The following ZNF462 variants were observed in gnomAD, a reference collection of about 807,000 sequenced individuals.
The protein encoded by ZNF462 is zinc finger protein 462.
A neutral mutation model predicts 201.9 loss-of-function variants in ZNF462; 10 were observed. The ratio of observed to expected loss-of-function variants is 0.05; its 90% CI spans 0.03 to 0.08. The LOEUF (loss-of-function observed/expected upper bound fraction) is 0.08, where lower values mean the gene tolerates loss of function less well. ZNF462 is among the 10% of genes least tolerant of loss of function. The pLI, the probability that ZNF462 is intolerant of heterozygous loss-of-function variation, is 1.00. For missense variants in ZNF462, 2,523 were observed against 3,168.3 expected, an observed-to-expected ratio of 0.80 and a Z score of 4.89; for synonymous variants, 1,227 against 1,193.3, an observed-to-expected ratio of 1.03 and a Z score of -0.58.
At position 106,974,353 on chromosome 9, in the gene ZNF462, G is replaced by C. The variant is rs1826837218; in HGVS notation, c.6832+80G>C. On this transcript the variant is annotated intron_variant, in intron 9 of 12. Coordinates refer to ENST00000277225, the MANE Select transcript of ZNF462 (RefSeq NM_021224.6). The surrounding 1 kb of genome is among the most constrained non-coding windows in gnomAD (Gnocchi z 4.0). ...GGCCTTCTAGGGATGCTCTCTCAGA[G>C]TGGCAGTAGCACCTGTGCCTTGTTC... 6.3e-7 allele frequency: 1 copy of C among 1,595,904 alleles called. No individual in the cohort carries two copies. The highest frequency in any genetic ancestry group is 1.3e-5 in the African/African-American group (1 of 74,540).
Position 106,920,632 on chromosome 9 carries a change from T to C in ZNF462, c.-30-2722T>C, listed in dbSNP as rs1434269120. ...CTTCTTTTTCCAAATCAGTGACTCTTTTTCTGATCTCATAACCCTTTAATC... is the reference window on the plus strand; with the variant it reads ...CTTCTTTTTCCAAATCAGTGACTCTCTTTCTGATCTCATAACCCTTTAATC... On this transcript the variant is annotated intron_variant, in intron 1 of 12. Coordinates refer to ENST00000277225, the MANE Select transcript of ZNF462 (RefSeq NM_021224.6). This position sits in a 1 kb window ranked among gnomAD's most constrained non-coding sequence, Gnocchi z 4.3. Among the ~76,000 whole-genome samples, 4 of 152,192 alleles carry C rather than the reference T, an allele frequency of 2.6e-5. No individual in the cohort carries two copies. Among genetic ancestry groups the C allele is most frequent in the Non-Finnish European group, 5.9e-5 (4 of 68,032 alleles).
At chr9:106,882,867 G>A (rs1469599683) in intron 1 of ZNF462, among the ~76,000 whole-genome samples, 1 of 152,150 alleles carries the variant, frequency 6.6e-6, no homozygotes, top group East Asian at 1.9e-4. Flanking sequence ...TTGGTGGTAT[G>A]GAAGCCTCAA....
chr9:106,916,752 T>C (rs1277483559), intron 1 of ZNF462, among the ~76,000 whole-genome samples: 1 of 152,234 alleles, frequency 6.6e-6, no homozygotes, highest in Admixed American at 6.5e-5. Flanking sequence ...CATGATGAGC[T>C]GGAATCTCAT....
intron 1 of ZNF462, among the ~76,000 whole-genome samples, chr9:106,909,785 A>G (rs1053741395): frequency 1.3e-5 from 2 of 152,202 alleles, no homozygotes; most frequent in African/African-American, 4.8e-5. Context: ...ATAGGATTCA[A>G]TGTTTAGCCT....
At chr9:106,952,019 C>G (rs1363977442) in intron 7 of ZNF462, among the ~76,000 whole-genome samples, 7 of 152,082 alleles carry the variant, frequency 4.6e-5, no homozygotes, top group Non-Finnish European at 2.9e-5. Context: ...TCTTTTTGAA[C>G]CCACTTCTCC....
At position 106,974,058 on chromosome 9, in the gene ZNF462, C is replaced by T. The variant is rs959208185; in HGVS notation, c.6696-79C>T. 3.0e-5 allele frequency: 48 copies of T among 1,578,836 alleles called. No individual in the cohort carries two copies. Among genetic ancestry groups the T allele is most frequent in the South Asian group, 7.9e-5 (7 of 88,142 alleles). On this transcript the variant is annotated intron_variant, in intron 8 of 12. Transcript: ENST00000277225. This position sits in a 1 kb window ranked among gnomAD's most constrained non-coding sequence, Gnocchi z 4.0. The stretch of plus-strand genomic sequence containing the variant: ...GAGAGCCGCACTTGGACATATATAA[C>T]GGGTTTGCCAGCAGGAAATGTGAAA...
intron 1 of ZNF462, among the ~76,000 whole-genome samples, chr9:106,868,345 T>G (rs1827436854): frequency 6.6e-6 from 1 of 152,164 alleles, no homozygotes; most frequent in African/African-American, 2.4e-5. Flanking sequence ...TAAGCTCTTT[T>G]AATAGCACAA....
intron 1 of ZNF462, among the ~76,000 whole-genome samples, chr9:106,914,607 A>C (rs2131338988): frequency 6.6e-6 from 1 of 152,292 alleles, no homozygotes; most frequent in Middle Eastern, 3.4e-3. Context: ...TCCTTCATTC[A>C]GCGTATATTT....
intron 6 of ZNF462, among the ~76,000 whole-genome samples, chr9:106,936,240 T>C (rs1221951344): frequency 6.6e-6 from 1 of 152,244 alleles, no homozygotes; most frequent in Non-Finnish European, 1.5e-5. Flanking sequence ...TGTTGACGTC[T>C]GATGTGTCAT....
chr9:107,012,112 T>C lies in ZNF462; in HGVS notation c.*1082T>C, dbSNP rs1490274168. 3 of 116,192 alleles carry C rather than the reference T, an allele frequency of 2.6e-5. No individual in the cohort carries two copies. The highest frequency in any genetic ancestry group is 1.1e-4 in the African/African-American group (3 of 27,580). The allele number at this position is 116,192 out of a possible 1,614,324, so 7.2% of individuals were successfully genotyped here. A position where few individuals can be genotyped will look rare whatever the true frequency, so the allele number is the denominator to read the frequency against. On this transcript the variant is annotated 3_prime_UTR_variant, in exon 13 of 13. Coordinates refer to ENST00000277225, the MANE Select transcript of ZNF462 (RefSeq NM_021224.6). ...AACAAAGAAGTTAACTTTCTTTTTT[T>C]TTTTTTTTTTTTTTTTTAATTTAAC...
In ZNF462 at chr9:106,972,380, G is replaced by C. The variant is rs747277195; in HGVS notation, c.6695+108G>C. The C allele has an allele frequency of 2.1e-6, 3 of 1,461,450 alleles. No homozygotes were observed. Among genetic ancestry groups the C allele is most frequent in the Non-Finnish European group, 2.8e-6 (3 of 1,089,050 alleles). 90.5% of individuals were successfully genotyped at this position (1,461,450 alleles called of 1,614,324 possible). ...CTACTTGGAGCTTATGGGAGGCCCT[G>C]CCCATGTGATGATGTAGGGGTTGGG... On this transcript the variant is annotated intron_variant, in intron 8 of 12. Transcript: ENST00000277225. The surrounding 1 kb of genome is among the most constrained non-coding windows in gnomAD (Gnocchi z 4.8).
intron 1 of ZNF462, among the ~76,000 whole-genome samples, chr9:106,866,071 T>G (rs1412766780): frequency 6.6e-6 from 1 of 152,166 alleles, no homozygotes; most frequent in Non-Finnish European, 1.5e-5. Flanking sequence ...CACGGTGGAA[T>G]GAAAACTTGG....
At position 106,978,309 on chromosome 9, in the gene ZNF462, T is replaced by C. The variant is rs993985691; in HGVS notation, c.6832+4036T>C. ...AGCAAGACATGTTTGCAGAATGTTA[T>C]TAGACATTTCCGGGGTCCTGAAGAG... On this transcript the variant is annotated intron_variant, in intron 9 of 12. Transcript: ENST00000277225. The surrounding 1 kb of genome is among the most constrained non-coding windows in gnomAD (Gnocchi z 4.1). Among the ~76,000 whole-genome samples, 1 of 151,552 alleles carries C rather than the reference T, an allele frequency of 6.6e-6. No individual in the cohort carries two copies. Among genetic ancestry groups the C allele is most frequent in the African/African-American group, 2.4e-5 (1 of 40,830 alleles).
rs1176041998 is a variant in ZNF462 at position 106,982,670 on chromosome 9, T to C, written c.6833-1516T>C. 2.6e-5 allele frequency among the ~76,000 whole-genome samples: 4 copies of C among 152,208 alleles called. No homozygotes were observed. The East Asian group carries it at 5.8e-4, about 22-fold the overall frequency. On this transcript the variant is annotated intron_variant, in intron 9 of 12. Coordinates refer to ENST00000277225, the MANE Select transcript of ZNF462 (RefSeq NM_021224.6). ...GATTCTTTGTATAGGGAAAATAACA[T>C]GCATTAGAGCTCCAGGGGGTATGTT... is the stretch of plus-strand genomic sequence containing the variant.
chr9:107,007,646 A>G (rs185908269), intron 11 of ZNF462, among the ~76,000 whole-genome samples: 196 of 152,306 alleles, frequency 1.3e-3, no homozygotes, highest in African/African-American at 4.3e-3. Flanking sequence ...CCAAGAATCA[A>G]CTTTCCACCA....
Position 106,954,719 on chromosome 9 carries a change from C to A in ZNF462, c.6427+15612C>A, listed in dbSNP as rs1183431637. On this transcript the variant is annotated intron_variant, in intron 7 of 12. Coordinates refer to ENST00000277225, the MANE Select transcript of ZNF462 (RefSeq NM_021224.6). This position sits in a 1 kb window ranked among gnomAD's most constrained non-coding sequence, Gnocchi z 4.0. ...TGTCTTTCAAAGCCACTTGCAAATT[C>A]CTTCATTTCTGTGATGCAACAGTGA... is the stretch of plus-strand genomic sequence containing the variant. 6.6e-6 allele frequency among the ~76,000 whole-genome samples: 1 copy of A among 152,072 alleles called. No homozygotes were observed. Among genetic ancestry groups the A allele is most frequent in the Non-Finnish European group, 1.5e-5 (1 of 68,024 alleles).
At chr9:106,900,235 TG>T (rs1829005221) in intron 1 of ZNF462, among the ~76,000 whole-genome samples, 1 of 151,638 alleles carries the variant, frequency 6.6e-6, no homozygotes, top group Non-Finnish European at 1.5e-5. Flanking sequence ...TGTGTGTGTG[TG>T]TGTGTGTGTG....
intron 7 of ZNF462, among the ~76,000 whole-genome samples, chr9:106,956,686 C>G (rs1000370435): frequency 6.6e-6 from 1 of 152,188 alleles, no homozygotes; most frequent in African/African-American, 2.4e-5. Context: ...TTCATCCCTT[C>G]TCTTAGCTAT....
chr9:106,987,140 T>C (rs2132320254), intron 10 of ZNF462, among the ~76,000 whole-genome samples: 1 of 152,320 alleles, frequency 6.6e-6, no homozygotes, highest in Non-Finnish European at 1.5e-5. Context: ...TATGCAAGTA[T>C]CTTTTTCGAA....
Sources: allele counts gnomAD v4.1 joint callset (sites outside exome capture counted in the v4.1 genomes callset), GRCh38; gene constraint gnomAD v4.1.1; non-coding constraint Gnocchi (gnomAD v3.1); transcripts MANE v1.5; gene names NCBI Gene and HGNC (gene_info 2026-07-23, HGNC 2026-07-21).